Variants in HECW2 observed in about 807,000 individuals in gnomAD.
HECW2 encodes the protein HECT, C2 and WW domain containing E3 ubiquitin protein ligase 2, also known as E3 ubiquitin-protein ligase HECW2.
In HECW2, 61 loss-of-function variants were observed where a neutral mutation model predicts 175.2. That is an observed-to-expected ratio of 0.35 (90% CI 0.28 to 0.43). The LOEUF (loss-of-function observed/expected upper bound fraction) is 0.43, where lower values mean the gene tolerates loss of function less well. Ranked by LOEUF, HECW2 falls within the 20% of genes least tolerant of loss-of-function variation. The probability of loss-of-function intolerance (pLI) is 1.00; values close to 1 mark genes in which losing one functional copy is unlikely to be tolerated. For missense variants in HECW2, 1,524 were observed against 2,000.5 expected (o/e 0.76, Z 4.54); for synonymous variants, 671 against 731.0 (o/e 0.92, Z 1.32).
intron 13 of HECW2, among the ~76,000 whole-genome samples, chr2:196,298,416 A>G (rs1448041440): frequency 1.3e-5 from 2 of 152,216 alleles, no homozygotes; most frequent in Non-Finnish European, 1.5e-5. Context: ...TGACAACCAT[A>G]TATCTATTTA....
chr2:196,570,214 A>T (rs1029186041), intron 1 of HECW2, among the ~76,000 whole-genome samples: 13 of 152,230 alleles, frequency 8.5e-5, no homozygotes, highest in African/African-American at 3.1e-4. Flanking sequence ...AAATGGATAC[A>T]CTAGATGATC....
intron 1 of HECW2, among the ~76,000 whole-genome samples, chr2:196,476,123 C>T (rs376628866): frequency 1.4e-4 from 21 of 151,392 alleles, no homozygotes; most frequent in Admixed American, 3.9e-4. Flanking sequence ...ATAATCTCTC[C>T]GTGCCTCAGT....
chr2:196,410,879 C>T (rs7593761), intron 2 of HECW2, among the ~76,000 whole-genome samples: 140,472 of 152,224 alleles, frequency 0.92, 65,215 homozygotes, highest in East Asian at 1. Context: ...CATCCACAAA[C>T]GTAACAACAT....
intron 4 of HECW2, among the ~76,000 whole-genome samples, chr2:196,330,028 G>A (rs1692299791): frequency 6.6e-6 from 1 of 152,050 alleles, no homozygotes; most frequent in Non-Finnish European, 1.5e-5. Flanking sequence ...GGAAAACCTA[G>A]AATAAACGAA....
At chr2:196,382,750 C>T (rs1406216) in intron 2 of HECW2, among the ~76,000 whole-genome samples, 38,761 of 151,358 alleles carry the variant, frequency 0.26, 6,360 homozygotes, top group African/African-American at 0.47. Flanking sequence ...GCATTTCCAA[C>T]GGAAATGGCA....
chr2:196,462,186 A>G (rs990906977), intron 1 of HECW2, among the ~76,000 whole-genome samples: 1 of 152,278 alleles, frequency 6.6e-6, no homozygotes, highest in African/African-American at 2.4e-5. Context: ...TAAAACCTGG[A>G]TTGTTATTTT....
At chr2:196,301,797 G>T (rs968090643) in intron 13 of HECW2, among the ~76,000 whole-genome samples, 3 of 150,382 alleles carry the variant, frequency 2.0e-5, no homozygotes, top group Non-Finnish European at 4.4e-5. Flanking sequence ...TTTGTCACAT[G>T]GACAGACTAC....
chr2:196,350,459 T>C (rs527528398), intron 2 of HECW2, among the ~76,000 whole-genome samples: 1 of 152,348 alleles, frequency 6.6e-6, no homozygotes, highest in Non-Finnish European at 1.5e-5. Flanking sequence ...ATCTGAATTT[T>C]AGCAAGCACC....
At chr2:196,560,423 G>T (rs545374174) in intron 1 of HECW2, among the ~76,000 whole-genome samples, 1 of 152,036 alleles carries the variant, frequency 6.6e-6, no homozygotes, top group African/African-American at 2.4e-5. Context: ...CTGGGATTAC[G>T]GGCCTGAGCC....
chr2:196,258,552 T>C (rs1006155601), intron 17 of HECW2, among the ~76,000 whole-genome samples: 5 of 152,188 alleles, frequency 3.3e-5, no homozygotes, highest in African/African-American at 1.2e-4. Context: ...ACAAGGTGAG[T>C]TATTTCTACC....
chr2:196,383,620 A>T (rs1694268182), intron 2 of HECW2, among the ~76,000 whole-genome samples: 1 of 152,246 alleles, frequency 6.6e-6, no homozygotes, highest in South Asian at 2.1e-4. Context: ...AATACTGTCA[A>T]GATTTAAGAG....
intron 28 of HECW2, among the ~76,000 whole-genome samples, chr2:196,204,561 GA>G (rs1413867920): frequency 6.6e-6 from 1 of 152,204 alleles, no homozygotes; most frequent in Non-Finnish European, 1.5e-5. Context: ...CTCCAAATGA[GA>G]ATGCAGCCCC....
intron 1 of HECW2, among the ~76,000 whole-genome samples, chr2:196,471,012 CA>C (rs398060924): frequency 0.035 from 4,161 of 119,936 alleles, 166 homozygotes; most frequent in African/African-American, 0.1. Flanking sequence ...ACCAAATTGG[CA>C]AAAAAAAAAA....
rs142834668 is a variant in HECW2 at position 196,251,932 on chromosome 2, C to T, written c.3529+1988G>A. ...GAATAGGGCTGGCTGGGCGTGGCAA[C>T]TCACACCTGTAATACCAGCACTTTG... On this transcript the variant is annotated intron_variant, in intron 19 of 28. Transcript: ENST00000644978. Among the ~76,000 whole-genome samples, 942 of 152,166 alleles carry T rather than the reference C, an allele frequency of 6.2e-3. 3 individuals carry two copies. Among genetic ancestry groups the T allele is most frequent in the African/African-American group, 0.021 (859 of 41,500 alleles).
intron 1 of HECW2, among the ~76,000 whole-genome samples, chr2:196,547,675 T>C (rs555089672): frequency 6.6e-6 from 1 of 152,216 alleles, no homozygotes; most frequent in African/African-American, 2.4e-5. Flanking sequence ...TATTTATGTT[T>C]CACATTTAAC....
Position 196,511,018 on chromosome 2 carries a change from C to T in HECW2, c.-35-77560G>A, listed in dbSNP as rs571171016. Among the ~76,000 whole-genome samples the T allele has an allele frequency of 2.6e-5, 4 of 152,060 alleles. No individual in the cohort carries two copies. In the East Asian group the frequency reaches 5.8e-4, roughly 22 times the overall value. On this transcript the variant is annotated intron_variant, in intron 1 of 28. Coordinates refer to ENST00000644978, the MANE Select transcript of HECW2 (RefSeq NM_001348768.2). ...TCTCACTCTGTCGCCCAGGCTGGAG[C>T]GCAGTGGTGTGATCTTGGCTCACAG...
chr2:196,345,505 C>T (rs1692923914), intron 2 of HECW2, among the ~76,000 whole-genome samples: 1 of 152,208 alleles, frequency 6.6e-6, no homozygotes, highest in Admixed American at 6.5e-5. Flanking sequence ...AACTCAACAT[C>T]CTTTTGCTCT....
chr2:196,253,673 T>A (rs1249183230), intron 19 of HECW2, among the ~76,000 whole-genome samples: 1 of 152,200 alleles, frequency 6.6e-6, no homozygotes, highest in Admixed American at 6.5e-5. Context: ...TGATATAACA[T>A]CATGAAAAGT....
At chr2:196,587,023 T>C (rs1691007915) in intron 1 of HECW2, among the ~76,000 whole-genome samples, 1 of 152,222 alleles carries the variant, frequency 6.6e-6, no homozygotes, top group South Asian at 2.1e-4. Context: ...CTAAGGATAA[T>C]GTTTGTCTTT....
Sources: allele counts gnomAD v4.1 joint callset (sites outside exome capture counted in the v4.1 genomes callset), GRCh38; gene constraint gnomAD v4.1.1; transcripts MANE v1.5; gene names NCBI Gene and HGNC (gene_info 2026-07-23, HGNC 2026-07-21).